REDIC1: variants seen among roughly 807,000 people sequenced by gnomAD.
REDIC1 encodes the protein regulator of DNA class I crossover intermediates 1.
the REDIC1 span, chr12:39,864,743 G>C: frequency 9.3e-6 from 15 of 1,611,140 alleles, no homozygotes; most frequent in South Asian, 1.1e-5. Flanking sequence ...AAAGGAAGAA[G>C]AACATAATGG....
At chr12:39,699,764 T>C in the REDIC1 span, among the ~76,000 whole-genome samples, 2 of 152,134 alleles carry the variant, frequency 1.3e-5, no homozygotes, top group African/African-American at 4.8e-5. Flanking sequence ...GCAGAATGCC[T>C]CCTCAAGTGG....
chr12:39,717,790 C>A, the REDIC1 span, among the ~76,000 whole-genome samples: 5 of 152,048 alleles, frequency 3.3e-5, no homozygotes, highest in African/African-American at 1.2e-4. Context: ...ACACTTCTGC[C>A]AGATTGTCTA....
At chr12:39,702,696 G>T in the REDIC1 span, among the ~76,000 whole-genome samples, 1 of 152,120 alleles carries the variant, frequency 6.6e-6, no homozygotes, top group Non-Finnish European at 1.5e-5. Flanking sequence ...TAAAATACTG[G>T]CAAACCAAAT....
At chr12:39,802,696 CAT>C in the REDIC1 span, among the ~76,000 whole-genome samples, 12 of 151,978 alleles carry the variant, frequency 7.9e-5, no homozygotes, top group Non-Finnish European at 1.3e-4. Context: ...TGTATACACA[CAT>C]AGTTACATGT....
the REDIC1 span, among the ~76,000 whole-genome samples, chr12:39,656,208 G>A: frequency 6.6e-6 from 1 of 152,144 alleles, no homozygotes; most frequent in East Asian, 1.9e-4. Flanking sequence ...AGAATGAGCT[G>A]GGAAGTATTC....
At chr12:39,904,597 A>T in the REDIC1 span, among the ~76,000 whole-genome samples, 1,067 of 152,154 alleles carry the variant, frequency 7.0e-3, 9 homozygotes, top group African/African-American at 0.019. Context: ...ACTGGACTGG[A>T]TATCCACACA....
the REDIC1 span, among the ~76,000 whole-genome samples, chr12:39,700,221 T>C: frequency 6.6e-6 from 1 of 151,920 alleles, no homozygotes; most frequent in Non-Finnish European, 1.5e-5. Flanking sequence ...ATAACTAGAA[T>C]AACCAATACA....
chr12:39,692,986 C>T, the REDIC1 span, among the ~76,000 whole-genome samples: 1 of 152,066 alleles, frequency 6.6e-6, no homozygotes. Context: ...AATCTGATAG[C>T]TCATTGTAGT....
the REDIC1 span, among the ~76,000 whole-genome samples, chr12:39,769,895 T>G: frequency 1.3e-5 from 2 of 152,104 alleles, no homozygotes; most frequent in African/African-American, 4.8e-5. Context: ...TTATGTGGTC[T>G]TTTTCCTGGA....
the REDIC1 span, among the ~76,000 whole-genome samples, chr12:39,696,900 A>G: frequency 6.6e-6 from 1 of 152,064 alleles, no homozygotes; most frequent in Non-Finnish European, 1.5e-5. Context: ...AGAAAAAATA[A>G]AAAAGAATGA....
At chr12:39,715,992 G>A in the REDIC1 span, among the ~76,000 whole-genome samples, 1 of 151,950 alleles carries the variant, frequency 6.6e-6, no homozygotes. Flanking sequence ...GTTCAGCTAA[G>A]TTCTCTCTGC....
chr12:39,877,519 C>T, the REDIC1 span, among the ~76,000 whole-genome samples: 1 of 152,178 alleles, frequency 6.6e-6, no homozygotes, highest in Non-Finnish European at 1.5e-5. Context: ...ATAACTATCA[C>T]AAGGGCATCC....
the REDIC1 span, among the ~76,000 whole-genome samples, chr12:39,710,218 C>T: frequency 2.0e-5 from 3 of 151,656 alleles, no homozygotes; most frequent in Non-Finnish European, 2.9e-5. Flanking sequence ...GTTTTCGTAT[C>T]GGTATTCATA....
chr12:39,760,267 A>AATAG, the REDIC1 span: 1 of 1,594,004 alleles, frequency 6.3e-7, no homozygotes, highest in Admixed American at 1.7e-5. Flanking sequence ...AACGGAATAT[A>AATAG]ATAGATACAT....
At chr12:39,902,970 T>C in the REDIC1 span, among the ~76,000 whole-genome samples, 3 of 152,144 alleles carry the variant, frequency 2.0e-5, no homozygotes, top group Non-Finnish European at 4.4e-5. Flanking sequence ...GAAATGTTTG[T>C]TCATAAAAAG....
chr12:39,882,109 T>C, the REDIC1 span, among the ~76,000 whole-genome samples: 1 of 152,216 alleles, frequency 6.6e-6, no homozygotes, highest in East Asian at 1.9e-4. Context: ...GCTTCTTTTT[T>C]ATTATCCATC....
chr12:39,682,953 C>G, the REDIC1 span: 1 of 1,613,362 alleles, frequency 6.2e-7, no homozygotes, highest in East Asian at 2.2e-5. Context: ...ATGTCACTGA[C>G]AGATGCATTA....
chr12:39,711,478 T>C, the REDIC1 span, among the ~76,000 whole-genome samples: 51 of 144,152 alleles, frequency 3.5e-4, no homozygotes, highest in African/African-American at 1.2e-3. Context: ...CATATATGTA[T>C]GTGTATATAT....
At chr12:39,657,414 A>C in the REDIC1 span, among the ~76,000 whole-genome samples, 1 of 152,198 alleles carries the variant, frequency 6.6e-6, no homozygotes, top group Non-Finnish European at 1.5e-5. Context: ...GCCTAATGAC[A>C]CATTTATCAA....
Sources: gnomAD v4.1 joint callset for allele counts (sites outside exome capture counted in the v4.1 genomes callset) on GRCh38, gnomAD v4.1.1 for gene constraint, MANE v1.5 for transcripts, NCBI Gene and HGNC (gene_info 2026-07-23, HGNC 2026-07-21) for gene names.